Variants in CALCA observed in about 807,000 individuals in gnomAD.
CALCA encodes the protein calcitonin related polypeptide alpha.
CALCA carries 4 observed loss-of-function variants against 6.9 expected under a neutral mutation model. The observed-to-expected ratio is 0.58, with a 90% CI of 0.29 to 1.33. The LOEUF is 1.33. CALCA is among the 40% of genes most tolerant of loss of function. CALCA has a pLI of 0.09. For missense variants in CALCA, 174 were observed against 178.3 expected, an observed-to-expected ratio of 0.98 and a Z score of 0.14; for synonymous variants, 78 against 70.0, an observed-to-expected ratio of 1.11 and a Z score of -0.57.
downstream of CALCA, chr11:14,967,648 C>T (rs782186970): frequency 8.1e-6 from 13 of 1,612,628 alleles, no homozygotes; most frequent in African/African-American, 1.6e-4. Context: ...ATTCATCTTC[C>T]CATCCCATCA....
chr11:14,968,465 A>G, downstream of CALCA: 1 of 1,226,460 alleles, frequency 8.2e-7, no homozygotes, highest in Non-Finnish European at 1.0e-6. Flanking sequence ...GAAGCCTGGG[A>G]CATAGATCAG....
At chr11:14,967,831 C>T (rs1464229093), downstream of CALCA, 1 of 1,614,112 alleles carries the variant, frequency 6.2e-7, no homozygotes, top group African/African-American at 1.3e-5. Flanking sequence ...GGCAGTGTCA[C>T]AGGCTCTCTT....
downstream of CALCA, chr11:14,967,956 G>C: frequency 7.4e-7 from 1 of 1,355,092 alleles, no homozygotes; most frequent in Non-Finnish European, 1.0e-6. Context: ...GTGCTGAAAG[G>C]CACCAATTAA....
chr11:14,968,217 T>C (rs946499951), downstream of CALCA: 42 of 339,152 alleles, frequency 1.2e-4, no homozygotes, highest in Non-Finnish European at 1.9e-4. Context: ...CACAAAGGAC[T>C]ATAAAATCTA....
downstream of CALCA, chr11:14,967,934 G>A (rs1849495803): frequency 6.5e-7 from 1 of 1,544,290 alleles, no homozygotes; most frequent in African/African-American, 1.4e-5. Flanking sequence ...GGACCTTCAT[G>A]GTAAAGTTGC....
At position 14,968,655 on chromosome 11, in the gene CALCA, C is replaced by A; in HGVS notation, c.*144G>T. 1 of 1,599,726 alleles carries A rather than the reference C, an allele frequency of 6.3e-7. No individual in the cohort carries two copies. The highest frequency in any genetic ancestry group is 8.5e-7 in the Non-Finnish European group (1 of 1,173,678). ...CCAACCTGTGAGTCCTGCTCTCTTT[C>A]CTCCCATCTGAAGTTTGAGACATCC... On this transcript the variant is annotated 3_prime_UTR_variant, in exon 4 of 4. Coordinates refer to ENST00000331587, the MANE Select transcript of CALCA (RefSeq NM_001741.3).
downstream of CALCA, chr11:14,968,327 G>A (rs1344128985): frequency 1.2e-5 from 6 of 512,074 alleles, no homozygotes; most frequent in East Asian, 4.6e-4. Context: ...AAGTCCTAGA[G>A]GTGCTTACCT....
chr11:14,969,136 A>G, intron 3 of CALCA, 139 bp from the exon 4 acceptor site: 2 of 767,642 alleles, frequency 2.6e-6, no homozygotes, highest in Non-Finnish European at 4.6e-6. Context: ...TCTATCCTTC[A>G]TTAGGAGAGC....
intron 3 of CALCA, among the ~76,000 whole-genome samples, chr11:14,969,237 A>C (rs532518029): frequency 1.8e-4 from 28 of 152,130 alleles, no homozygotes. Context: ...TCAGTCCTTC[A>C]TGCTTGACAG....
chr11:14,967,291 G>A (rs555849992), downstream of CALCA, among the ~76,000 whole-genome samples: 13 of 152,280 alleles, frequency 8.5e-5, no homozygotes, highest in African/African-American at 3.1e-4. Flanking sequence ...CTGGTAAAGG[G>A]CAAATACAGT....
At position 14,970,831 on chromosome 11, in the gene CALCA, T is replaced by C. The variant is rs971490407; in HGVS notation, c.86+276A>G. ...AGGAGAATTGCTTGAACCCAGGAGA[T>C]GGAAGTTGCAGTGAGCCGACACGGT... On this transcript the variant is annotated intron_variant, in intron 2 of 3. Transcript: ENST00000331587. Among the ~76,000 whole-genome samples the C allele has an allele frequency of 5.5e-4, 83 of 151,856 alleles. 1 individual carries two copies. Among genetic ancestry groups the C allele is most frequent in the Admixed American group, 5.2e-3 (79 of 15,244 alleles).
At chr11:14,971,339 C>T (rs1849600336) in intron 1 of CALCA, 138 bp from the exon 2 acceptor site, 1 of 706,032 alleles carries the variant, frequency 1.4e-6, no homozygotes, top group Non-Finnish European at 2.6e-6. Context: ...TTATATTTCT[C>T]TTCTTTTTTG....
intron 3 of CALCA, among the ~76,000 whole-genome samples, chr11:14,969,673 T>G (rs1555026012): frequency 6.6e-6 from 1 of 152,112 alleles, no homozygotes; most frequent in Non-Finnish European, 1.5e-5. Flanking sequence ...ATTCCCACAG[T>G]GAGCGATTCC....
rs782570410 is a variant in CALCA at position 14,971,231 on chromosome 11, G to T, written c.-9-30C>A. The T allele has an allele frequency of 4.0e-6, 6 of 1,516,778 alleles. No individual in the cohort carries two copies. The East Asian group carries it at 1.1e-4, about 28-fold the overall frequency. 94.0% of individuals were successfully genotyped at this position (1,516,778 alleles called of 1,614,324 possible). A position where few individuals can be genotyped will look rare whatever the true frequency, so the allele number is the denominator to read the frequency against. On this transcript the variant is annotated intron_variant, in intron 1 of 3. Transcript: ENST00000331587. ...AAGGGAAGAATGAGATAAACCACCT[G>T]CGCCAGTTCGAAGTTCTAGGAGCCC...
downstream of CALCA, chr11:14,968,322 C>T (rs565459755): frequency 1.5e-4 from 73 of 482,514 alleles, no homozygotes; most frequent in Middle Eastern, 7.8e-4. Context: ...GCATCAAGTC[C>T]TAGAGGTGCT....
chr11:14,971,228 C>T (rs782299197), intron 1 of CALCA, 27 bp from the exon 2 acceptor site: 2 of 1,533,540 alleles, frequency 1.3e-6, no homozygotes, highest in Non-Finnish European at 1.8e-6. Flanking sequence ...AGATAAACCA[C>T]CTGCGCCAGT....
chr11:14,969,814 G>T, intron 3 of CALCA, 121 bp downstream of exon 3: 1 of 1,490,230 alleles, frequency 6.7e-7, no homozygotes, highest in Non-Finnish European at 9.3e-7. Context: ...CCCAGGTCCC[G>T]GTGAACAACA....
chr11:14,967,829 C>T, downstream of CALCA: 1 of 1,614,194 alleles, frequency 6.2e-7, no homozygotes, highest in Non-Finnish European at 8.5e-7. Flanking sequence ...GTGGCAGTGT[C>T]ACAGGCTCTC....
In CALCA at chr11:14,970,016, A is replaced by G; in HGVS notation, c.146T>C (p.Leu49Pro). The G allele has an allele frequency of 6.2e-7, 1 of 1,614,188 alleles. No homozygotes were observed. The highest frequency in any genetic ancestry group is 8.5e-7 in the Non-Finnish European group (1 of 1,180,052). Residue 49 changes from leucine to proline, a missense_variant, in exon 3 of 4, where the codon CTC becomes CCC. Transcript: ENST00000331587. ...GTCCTGCACCAGTGCAGCCAGCAGGAGGCGCGCTTCGTCCTCACTGAGCGT... is the reference window on the plus strand; with the variant it reads ...GTCCTGCACCAGTGCAGCCAGCAGGGGGCGCGCTTCGTCCTCACTGAGCGT... Reference protein sequence around the residue: ...PATLSEDEARLLLAALVQDYV... With the variant: ...PATLSEDEARPLLAALVQDYV...
Sources: allele counts gnomAD v4.1 joint callset (sites outside exome capture counted in the v4.1 genomes callset), GRCh38; gene constraint gnomAD v4.1.1; transcripts MANE v1.5; gene names NCBI Gene and HGNC (gene_info 2026-07-23, HGNC 2026-07-21).